DLG5: variants seen among roughly 807,000 people sequenced by gnomAD.
The protein encoded by DLG5 is disks large homolog 5.
DLG5 carries 48 observed loss-of-function variants against 189.8 expected under a neutral mutation model. The ratio of observed to expected loss-of-function variants is 0.25; its 90% CI spans 0.20 to 0.32. The LOEUF (loss-of-function observed/expected upper bound fraction) is 0.32, where lower values mean the gene tolerates loss of function less well. Among genes scored for constraint, DLG5 ranks in the 10% least tolerant of loss-of-function variants. DLG5 has a pLI of 1.00. For synonymous variants in DLG5, 1,016 were observed against 1,054.1 expected, an observed-to-expected ratio of 0.96 and a Z score of 0.70; for missense variants, 2,160 against 2,544.7, an observed-to-expected ratio of 0.85 and a Z score of 3.25.
chr10:77,919,498 GGA>G (rs1846471514), intron 1 of DLG5, among the ~76,000 whole-genome samples: 1 of 148,290 alleles, frequency 6.7e-6, no homozygotes, highest in African/African-American at 2.5e-5. Context: ...TTGAACTGGG[GGA>G]AAAAAAAAAA....
intron 2 of DLG5, among the ~76,000 whole-genome samples, chr10:77,863,709 GAGA>G (rs1200645274): frequency 6.6e-6 from 1 of 152,168 alleles, no homozygotes; most frequent in Non-Finnish European, 1.5e-5. Flanking sequence ...GCAACCACTG[GAGA>G]AGGAGGCAGA....
rs765508887 is a variant in DLG5, at chr10:77,843,501, T to C, written c.1070A>G (p.Gln357Arg). Residue 357 changes from glutamine (Q) to arginine (R), a missense_variant, in exon 6 of 32, where the codon CAG becomes CGG. Around this residue, in one of 5 missense-constraint regions of DLG5, gnomAD observed 664 missense variants for 838.5 expected, o/e 0.79. Transcript: ENST00000372391. ...CAGCTGGATGGCCGTGTCCCTCTGCTGGGTCAGCATCTCTGTCTGCTTCAG... is the reference window on the plus strand; with the variant it reads ...CAGCTGGATGGCCGTGTCCCTCTGCCGGGTCAGCATCTCTGTCTGCTTCAG... ...RLLKQTEMLT[Q>R]QRDTAIQLQH... 53 of 1,614,026 alleles carry C rather than the reference T, an allele frequency of 3.3e-5. No individual in the cohort carries two copies. Among genetic ancestry groups the C allele is most frequent in the Non-Finnish European group, 3.5e-5 (41 of 1,180,044 alleles).
intron 17 of DLG5, among the ~76,000 whole-genome samples, chr10:77,818,562 C>T (rs1200238775): frequency 6.6e-6 from 1 of 152,180 alleles, no homozygotes; most frequent in Non-Finnish European, 1.5e-5. Context: ...GCCTGGGTGC[C>T]CTGGCCTTGG....
intron 1 of DLG5, among the ~76,000 whole-genome samples, chr10:77,907,479 T>G (rs1846100147): frequency 6.6e-6 from 1 of 152,110 alleles, no homozygotes; most frequent in Non-Finnish European, 1.5e-5. Flanking sequence ...CTCAGGAGGC[T>G]AAGGTAGGAT....
chr10:77,856,597 TG>T (rs1844239583), intron 3 of DLG5, 132 bp downstream of exon 3: 4 of 1,173,294 alleles, frequency 3.4e-6, no homozygotes, highest in Non-Finnish European at 4.8e-6. Flanking sequence ...GGACATGAGG[TG>T]GGGGAAAGGG....
intron 16 of DLG5, 187 bp downstream of exon 16, chr10:77,819,706 TTG>T: frequency 8.9e-7 from 1 of 1,122,014 alleles, no homozygotes; most frequent in Non-Finnish European, 1.3e-6. Flanking sequence ...AGAAAGCATG[TTG>T]ACAAGCTAAG....
rs1308677090 is a variant in DLG5 at position 77,894,861 on chromosome 10, G to C, written c.305-25664C>G. Among the ~76,000 whole-genome samples, 4 of 152,164 alleles carry C rather than the reference G, an allele frequency of 2.6e-5. No individual in the cohort carries two copies. The East Asian group carries it at 7.8e-4, about 30-fold the overall frequency. Reference sequence around the variant, plus strand: ...TCCTCACTCTGCCCTCCCCTAGCTGGCACTATCCACTCCAGAGGTCTTGTA... The same window carrying C: ...TCCTCACTCTGCCCTCCCCTAGCTGCCACTATCCACTCCAGAGGTCTTGTA... On this transcript the variant is annotated intron_variant, in intron 1 of 31. Coordinates refer to ENST00000372391, the MANE Select transcript of DLG5 (RefSeq NM_004747.4).
rs148200124 is a variant in DLG5, at chr10:77,792,446, C to A, written c.5754G>T (p.Pro1918=). Residue 1918 remains proline (P), a synonymous_variant, in exon 32 of 32, where the codon CCG becomes CCT. Coordinates refer to ENST00000372391, the MANE Select transcript of DLG5 (RefSeq NM_004747.4). The part of the protein sequence containing the change: ...QNKVLWIPAC[P]L ...TCCACAGCACAGCATTCTCCTAGAG[C>A]GGGCAGGCTGGAATCCACAGGACTT... is the stretch of plus-strand genomic sequence containing the variant. 170 of 1,614,000 alleles carry A rather than the reference C, an allele frequency of 1.1e-4. No homozygotes were observed. The highest frequency in any genetic ancestry group is 6.6e-4 in the Middle Eastern group (4 of 6,084).
Position 77,840,033 on chromosome 10 carries a change from C to G in DLG5, c.1437+1848G>C, listed in dbSNP as rs541796034. Among the ~76,000 whole-genome samples, 4 of 152,294 alleles carry G rather than the reference C, an allele frequency of 2.6e-5. No individual in the cohort carries two copies. The South Asian group carries it at 8.3e-4, about 32-fold the overall frequency. ...TTGTGCAGGCACAATGATGTATTTT[C>G]TATATTGAATCATTTGTTCATCATG... is the stretch of plus-strand genomic sequence containing the variant. On this transcript the variant is annotated intron_variant, in intron 7 of 31. Coordinates refer to ENST00000372391, the MANE Select transcript of DLG5 (RefSeq NM_004747.4).
chr10:77,923,648 C>T (rs1031958720), intron 1 of DLG5, among the ~76,000 whole-genome samples: 2 of 152,132 alleles, frequency 1.3e-5, no homozygotes, highest in African/African-American at 4.8e-5. Context: ...GTCCCAGCTA[C>T]TTGCGGGGCT....
intron 5 of DLG5, among the ~76,000 whole-genome samples, chr10:77,851,004 C>T (rs552436441): frequency 1.3e-5 from 2 of 152,336 alleles, no homozygotes; most frequent in Non-Finnish European, 2.9e-5. Context: ...AAACTGCCGG[C>T]AGGCAAAACA....
chr10:77,825,373 AC>A (rs1491418142), intron 13 of DLG5, among the ~76,000 whole-genome samples: 1 of 55,946 alleles, frequency 1.8e-5, no homozygotes, highest in Non-Finnish European at 3.5e-5. Flanking sequence ...ACCACACACA[AC>A]CACACACACA....
At chr10:77,825,374 C>CCACA (rs59102694) in intron 13 of DLG5, among the ~76,000 whole-genome samples, 4,481 of 130,828 alleles carry the variant, frequency 0.034, 159 homozygotes, top group African/African-American at 0.087. Context: ...CCACACACAA[C>CCACA]CACACACACA....
At chr10:77,825,001 T>C (rs1331890132) in intron 13 of DLG5, among the ~76,000 whole-genome samples, 1 of 152,112 alleles carries the variant, frequency 6.6e-6, no homozygotes, top group East Asian at 1.9e-4. Flanking sequence ...CAGACCTTCT[T>C]AAGAAGTATA....
At chr10:77,908,137 T>C (rs1846117855) in intron 1 of DLG5, among the ~76,000 whole-genome samples, 1 of 152,080 alleles carries the variant, frequency 6.6e-6, no homozygotes, top group Non-Finnish European at 1.5e-5. Context: ...AGCCATGCTC[T>C]TCTCCTCCCC....
At chr10:77,940,368 A>G in the DLG5 span, among the ~76,000 whole-genome samples, 1 of 152,182 alleles carries the variant, frequency 6.6e-6, no homozygotes, top group Non-Finnish European at 1.5e-5. Context: ...GGCTTTGCTC[A>G]TTTTCATGTG....
chr10:77,880,758 T>G (rs891588813), intron 1 of DLG5, among the ~76,000 whole-genome samples: 1 of 152,178 alleles, frequency 6.6e-6, no homozygotes, highest in Non-Finnish European at 1.5e-5. Flanking sequence ...TAACATTTAT[T>G]GAGTACTTGT....
chr10:77,794,184 C>A, intron 30 of DLG5, 67 bp from the exon 31 acceptor site: 1 of 1,465,276 alleles, frequency 6.8e-7, no homozygotes, highest in Non-Finnish European at 9.5e-7. Context: ...CTTCCTCTGT[C>A]CAGGCTAACA....
intron 1 of DLG5, chr10:77,912,653 G>A (rs1272908028): frequency 6.6e-6 from 1 of 152,204 alleles, no homozygotes; most frequent in Non-Finnish European, 1.5e-5. Flanking sequence ...TTAACAGAGA[G>A]TGGTTTTTAC....
Sources: gnomAD v4.1 joint callset for allele counts (sites outside exome capture counted in the v4.1 genomes callset) on GRCh38, gnomAD v4.1.1 for gene constraint, gnomAD v4.1.1 regional missense constraint, MANE v1.5 for transcripts, NCBI Gene and HGNC (gene_info 2026-07-23, HGNC 2026-07-21) for gene names.